The following NSMCE2 variants were observed in gnomAD, a reference collection of about 807,000 sequenced individuals.
NSMCE2 encodes the protein NSE2 SUMO ligase component of SMC5/6 complex.
A neutral mutation model predicts 23.8 loss-of-function variants in NSMCE2; 24 were observed. That is an observed-to-expected ratio of 1.01 (90% CI 0.73 to 1.42). The LOEUF (loss-of-function observed/expected upper bound fraction) is 1.42. NSMCE2 is among the 40% of genes most tolerant of loss of function. The probability of loss-of-function intolerance (pLI) is 0.00; values close to 1 mark genes in which losing one functional copy is unlikely to be tolerated. For synonymous variants in NSMCE2, 92 were observed against 94.1 expected, an observed-to-expected ratio of 0.98 and a Z score of 0.13; for missense variants, 284 against 296.5, an observed-to-expected ratio of 0.96 and a Z score of 0.31.
chr8:125,174,380 C>T (rs1178647088), intron 4 of NSMCE2, among the ~76,000 whole-genome samples: 11 of 152,142 alleles, frequency 7.2e-5, no homozygotes, highest in Admixed American at 6.5e-4. Flanking sequence ...CAAAACAACA[C>T]AAAAAGCCAG....
chr8:125,135,682 G>T (rs1470393967), intron 3 of NSMCE2, among the ~76,000 whole-genome samples: 6 of 152,008 alleles, frequency 3.9e-5, no homozygotes, highest in Non-Finnish European at 8.8e-5. Context: ...TTTCTCAGCT[G>T]AATTGCCTTT....
intron 4 of NSMCE2, among the ~76,000 whole-genome samples, chr8:125,169,192 T>C (rs1822045236): frequency 6.6e-6 from 1 of 152,210 alleles, no homozygotes; most frequent in Admixed American, 6.5e-5. Flanking sequence ...TAGATCCTAC[T>C]TCATCTCTTC....
intron 5 of NSMCE2, among the ~76,000 whole-genome samples, chr8:125,310,024 G>A (rs945454777): frequency 1.3e-5 from 2 of 152,164 alleles, no homozygotes; most frequent in African/African-American, 4.8e-5. Flanking sequence ...ATGATGGGGG[G>A]ACCCTCATCC....
rs557964101 is a variant in NSMCE2, at chr8:125,323,060, G to GA, written c.419-34154dup. Among the ~76,000 whole-genome samples the GA allele has an allele frequency of 3.9e-3, 595 of 152,210 alleles. 2 individuals carry two copies. The highest frequency in any genetic ancestry group is 6.8e-3 in the Middle Eastern group (2 of 294). On this transcript the variant is annotated intron_variant, in intron 5 of 7. Transcript: ENST00000287437. Reference sequence around the variant, plus strand: ...GGCAATAGAGTGAGACTCTGTCTCAGAAAAATATATGTATATATGAAATAC... The same window carrying GA: ...GGCAATAGAGTGAGACTCTGTCTCAGAAAAAATATATGTATATATGAAATAC...
At chr8:125,143,685 T>G (rs1329202092) in intron 3 of NSMCE2, among the ~76,000 whole-genome samples, 1 of 152,212 alleles carries the variant, frequency 6.6e-6, no homozygotes, top group Non-Finnish European at 1.5e-5. Context: ...CATCTGATTC[T>G]GCGATTTTTA....
chr8:125,239,599 ACT>A (rs370856184), intron 5 of NSMCE2, among the ~76,000 whole-genome samples: 8,241 of 131,296 alleles, frequency 0.063, 427 homozygotes, highest in South Asian at 0.16. Context: ...ACAGAGCAAG[ACT>A]CTGTCTCAAA....
At chr8:125,135,477 G>A (rs372752459) in intron 3 of NSMCE2, among the ~76,000 whole-genome samples, 1 of 152,048 alleles carries the variant, frequency 6.6e-6, no homozygotes, top group Non-Finnish European at 1.5e-5. Context: ...AGTTCCCAAA[G>A]ATTTTCTTCT....
At chr8:125,227,981 A>G (rs1339115607) in intron 5 of NSMCE2, among the ~76,000 whole-genome samples, 2 of 152,160 alleles carry the variant, frequency 1.3e-5, no homozygotes, top group African/African-American at 2.4e-5. Flanking sequence ...TCCTCTTTGA[A>G]TCATTACCCT....
chr8:125,313,240 GA>G (rs1554636547), intron 5 of NSMCE2, among the ~76,000 whole-genome samples: 1 of 149,726 alleles, frequency 6.7e-6, no homozygotes. Flanking sequence ...AAGAAAGAAA[GA>G]AAGAAAAGAA....
At chr8:125,240,530 A>G (rs1825730610) in intron 5 of NSMCE2, among the ~76,000 whole-genome samples, 1 of 152,210 alleles carries the variant, frequency 6.6e-6, no homozygotes, top group Admixed American at 6.5e-5. Flanking sequence ...TGGCTGAGTA[A>G]ACAGAGGTAA....
Position 125,356,226 on chromosome 8 carries a change from C to T in NSMCE2, c.419-993C>T, listed in dbSNP as rs551495045. On this transcript the variant is annotated intron_variant, in intron 5 of 7. Coordinates refer to ENST00000287437, the MANE Select transcript of NSMCE2 (RefSeq NM_173685.4). ...ATGCCATTCTTCTCATTATGTATGT[C>T]TGTGTGTATGGGGGGGGGTGTTCTG... 6.9e-5 allele frequency among the ~76,000 whole-genome samples: 10 copies of T among 143,956 alleles called. No homozygotes were observed. In the South Asian group the frequency reaches 2.2e-3, roughly 32 times the overall value. 94.4% of individuals were successfully genotyped at this position (143,956 alleles called of 152,430 possible). A position where few individuals can be genotyped will look rare whatever the true frequency, so the allele number is the denominator to read the frequency against.
At chr8:125,127,337 A>G (rs1819563737) in intron 3 of NSMCE2, among the ~76,000 whole-genome samples, 1 of 152,186 alleles carries the variant, frequency 6.6e-6, no homozygotes, top group African/African-American at 2.4e-5. Flanking sequence ...AGTACATGAT[A>G]GTAAGGGCCA....
chr8:125,252,340 A>G (rs964628544), intron 5 of NSMCE2, among the ~76,000 whole-genome samples: 1 of 152,192 alleles, frequency 6.6e-6, no homozygotes, highest in African/African-American at 2.4e-5. Context: ...CAACCTGGCT[A>G]ACACGGTGAA....
chr8:125,166,606 A>G (rs1455402760), intron 4 of NSMCE2, among the ~76,000 whole-genome samples: 1 of 152,162 alleles, frequency 6.6e-6, no homozygotes, highest in Non-Finnish European at 1.5e-5. Flanking sequence ...GCAAGAACAG[A>G]AGGAAGAAAA....
intron 7 of NSMCE2, among the ~76,000 whole-genome samples, chr8:125,358,520 A>G (rs1306009162): frequency 1.3e-5 from 2 of 151,858 alleles, no homozygotes; most frequent in African/African-American, 4.8e-5. Context: ...ACACATATAT[A>G]TATCTCACCT....
intron 3 of NSMCE2, among the ~76,000 whole-genome samples, chr8:125,105,429 C>T: frequency 6.6e-6 from 1 of 151,578 alleles, no homozygotes; most frequent in Middle Eastern, 3.4e-3. Context: ...TTTCAGGATT[C>T]TTTTTGAAGA....
chr8:125,095,065 G>A (rs1817863549), intron 1 of NSMCE2, among the ~76,000 whole-genome samples: 2 of 152,042 alleles, frequency 1.3e-5, no homozygotes, highest in African/African-American at 4.8e-5. Context: ...TGCCTGGGCT[G>A]GTCTCGAACT....
intron 5 of NSMCE2, among the ~76,000 whole-genome samples, chr8:125,189,740 T>C (rs1823261675): frequency 6.6e-6 from 1 of 152,230 alleles, no homozygotes; most frequent in Non-Finnish European, 1.5e-5. Flanking sequence ...GGTTAAAAAT[T>C]TATATTGTCT....
intron 5 of NSMCE2, among the ~76,000 whole-genome samples, chr8:125,353,475 T>C (rs1813123015): frequency 6.6e-6 from 1 of 152,176 alleles, no homozygotes; most frequent in African/African-American, 2.4e-5. Flanking sequence ...TCTTGCACTA[T>C]GAATACCAAA....
Sources: gnomAD v4.1 joint callset for allele counts (sites outside exome capture counted in the v4.1 genomes callset) on GRCh38, gnomAD v4.1.1 for gene constraint, MANE v1.5 for transcripts, NCBI Gene and HGNC (gene_info 2026-07-23, HGNC 2026-07-21) for gene names.